The following RPS6KA2 variants were observed in gnomAD, a reference collection of about 807,000 sequenced individuals.
RPS6KA2 encodes the protein ribosomal protein S6 kinase A2.
Under a neutral mutation model 91.8 loss-of-function variants are expected in RPS6KA2, and 42 were observed. That is an observed-to-expected ratio of 0.46 (90% CI 0.36 to 0.59). RPS6KA2 has a LOEUF of 0.59. Ranked by LOEUF, RPS6KA2 falls within the 20% of genes least tolerant of loss-of-function variation. The probability of loss-of-function intolerance (pLI) is 0.00; values close to 1 mark genes in which losing one functional copy is unlikely to be tolerated. For missense variants in RPS6KA2, 798 were observed against 978.5 expected, an observed-to-expected ratio of 0.82 and a Z score of 2.46; for synonymous variants, 414 against 393.6, an observed-to-expected ratio of 1.05 and a Z score of -0.61.
intron 2 of RPS6KA2, among the ~76,000 whole-genome samples, chr6:166,651,525 C>T (rs1174666471): frequency 1.3e-5 from 2 of 152,266 alleles, no homozygotes; most frequent in South Asian, 2.1e-4. Flanking sequence ...CAATTCTTCA[C>T]GGGAAGACAA....
chr6:166,834,322 G>C (rs182530331), intron 2 of RPS6KA2, among the ~76,000 whole-genome samples: 27 of 152,170 alleles, frequency 1.8e-4, no homozygotes, highest in Admixed American at 9.8e-4. Context: ...CTCATTTGCC[G>C]TTCTCATGTC....
chr6:166,641,719 CAA>C (rs71032871), intron 2 of RPS6KA2, among the ~76,000 whole-genome samples: 23 of 28,542 alleles, frequency 8.1e-4, no homozygotes, highest in South Asian at 2.6e-3. Flanking sequence ...GACTCTGTCA[CAA>C]AAAAAAAAAA....
chr6:166,681,083 AAGC>A (rs1231049331), intron 2 of RPS6KA2, among the ~76,000 whole-genome samples: 1 of 152,210 alleles, frequency 6.6e-6, no homozygotes, highest in East Asian at 1.9e-4. Context: ...GAAGCACAGA[AAGC>A]AGGGAAAATT....
chr6:166,793,890 C>T (rs932472957), intron 2 of RPS6KA2, among the ~76,000 whole-genome samples: 1 of 150,734 alleles, frequency 6.6e-6, no homozygotes, highest in African/African-American at 2.4e-5. Flanking sequence ...ACACCTAAAA[C>T]CATAAAAACC....
At chr6:166,457,469 G>A (rs742113) in intron 12 of RPS6KA2, among the ~76,000 whole-genome samples, 2,948 of 152,268 alleles carry the variant, frequency 0.019, 57 homozygotes, top group African/African-American at 0.044. Context: ...GTCACTTACC[G>A]GAGAGAGCAG....
intron 12 of RPS6KA2, among the ~76,000 whole-genome samples, chr6:166,453,963 A>G (rs900689340): frequency 1.3e-5 from 2 of 152,260 alleles, no homozygotes; most frequent in African/African-American, 4.8e-5. Context: ...AAAGTCAAAC[A>G]TCGCATGTTC....
chr6:166,829,109 G>C (rs981607578), intron 2 of RPS6KA2, among the ~76,000 whole-genome samples: 1 of 152,138 alleles, frequency 6.6e-6, no homozygotes, highest in South Asian at 2.1e-4. Flanking sequence ...CGAATCATGA[G>C]AGAAATGCAA....
chr6:166,654,103 G>A (rs1334827277), intron 2 of RPS6KA2, among the ~76,000 whole-genome samples: 3 of 152,174 alleles, frequency 2.0e-5, no homozygotes, highest in Non-Finnish European at 4.4e-5. Flanking sequence ...CCATCATATT[G>A]GTCAAGCTTT....
chr6:166,429,413 T>A (rs1164524244), intron 16 of RPS6KA2, among the ~76,000 whole-genome samples: 1 of 151,974 alleles, frequency 6.6e-6, no homozygotes, highest in Non-Finnish European at 1.5e-5. Flanking sequence ...ATTGTGCACA[T>A]GTACCTAAAA....
At chr6:166,694,718 C>T (rs961501431) in intron 2 of RPS6KA2, among the ~76,000 whole-genome samples, 46 of 152,292 alleles carry the variant, frequency 3.0e-4, no homozygotes, top group African/African-American at 1.0e-3. Context: ...TGCCTCTAGT[C>T]GAATCTACTG....
chr6:166,684,482 TC>T (rs1788945158), intron 2 of RPS6KA2, among the ~76,000 whole-genome samples: 2 of 152,298 alleles, frequency 1.3e-5, no homozygotes, highest in Non-Finnish European at 2.9e-5. Flanking sequence ...GCTGTTTTCT[TC>T]CACCCTACCG....
At chr6:166,787,990 A>G (rs1437380230) in intron 2 of RPS6KA2, among the ~76,000 whole-genome samples, 3 of 151,524 alleles carry the variant, frequency 2.0e-5, no homozygotes, top group African/African-American at 7.3e-5. Context: ...AAAAAAAAAA[A>G]AAACCAACCC....
intron 14 of RPS6KA2, among the ~76,000 whole-genome samples, chr6:166,444,037 T>C (rs1263888043): frequency 6.6e-6 from 1 of 152,214 alleles, no homozygotes; most frequent in Non-Finnish European, 1.5e-5. Context: ...ACCAATATAA[T>C]GCCAGGAATC....
At chr6:166,413,489 G>A (rs559639558) in intron 20 of RPS6KA2, among the ~76,000 whole-genome samples, 1 of 152,300 alleles carries the variant, frequency 6.6e-6, no homozygotes, top group East Asian at 1.9e-4. Flanking sequence ...CTGAATGTAA[G>A]TCACTTATGA....
chr6:166,547,486 C>T (rs187337781), intron 1 of RPS6KA2, among the ~76,000 whole-genome samples: 86 of 152,280 alleles, frequency 5.6e-4, no homozygotes, highest in African/African-American at 2.0e-3. Flanking sequence ...TGGTCATGCA[C>T]GGTGTTTGTG....
At chr6:166,792,106 A>T (rs1779105658) in intron 2 of RPS6KA2, among the ~76,000 whole-genome samples, 2 of 152,218 alleles carry the variant, frequency 1.3e-5, no homozygotes, top group Non-Finnish European at 2.9e-5. Flanking sequence ...GATCAACAAA[A>T]TTCATTGACC....
chr6:166,771,789 G>A (rs1274831606), intron 2 of RPS6KA2, among the ~76,000 whole-genome samples: 1 of 152,214 alleles, frequency 6.6e-6, no homozygotes, highest in African/African-American at 2.4e-5. Flanking sequence ...AGGCTAACAG[G>A]AGATGCCAGC....
intron 11 of RPS6KA2, among the ~76,000 whole-genome samples, chr6:166,464,410 T>C (rs1387254442): frequency 6.6e-6 from 1 of 152,208 alleles, no homozygotes; most frequent in Non-Finnish European, 1.5e-5. Context: ...GCTACTAGTA[T>C]TGATCATGAA....
At chr6:166,721,361 C>G (rs1393705228) in intron 2 of RPS6KA2, among the ~76,000 whole-genome samples, 1 of 152,188 alleles carries the variant, frequency 6.6e-6, no homozygotes, top group Non-Finnish European at 1.5e-5. Flanking sequence ...CATCTGACGG[C>G]CAGGACCCGG....
Sources: allele counts gnomAD v4.1 joint callset (sites outside exome capture counted in the v4.1 genomes callset), GRCh38; gene constraint gnomAD v4.1.1; transcripts MANE v1.5; gene names NCBI Gene and HGNC (gene_info 2026-07-23, HGNC 2026-07-21).